The following CELF2 variants were observed in gnomAD, a reference collection of about 807,000 sequenced individuals.
CELF2 encodes the protein CUGBP Elav-like family member 2, also known as CUG triplet repeat RNA-binding protein 2.
CELF2 carries 8 observed loss-of-function variants against 62.6 expected under a neutral mutation model. The ratio of observed to expected loss-of-function variants is 0.13; its 90% CI spans 0.07 to 0.23. The LOEUF is 0.23. Among genes scored for constraint, CELF2 ranks in the 10% least tolerant of loss-of-function variants. CELF2 has a pLI of 1.00. For missense variants in CELF2, 333 were observed against 671.0 expected (o/e 0.50, Z 5.56); for synonymous variants, 258 against 250.0 (o/e 1.03, Z -0.30).
intron 1 of CELF2, among the ~76,000 whole-genome samples, chr10:10,842,337 AGT>A (rs1226148229): frequency 6.6e-6 from 1 of 152,044 alleles, no homozygotes; most frequent in Non-Finnish European, 1.5e-5. Context: ...GCTGAATCAG[AGT>A]GATAAGAAAG....
At chr10:10,657,805 G>A in the CELF2 span, among the ~76,000 whole-genome samples, 6 of 152,242 alleles carry the variant, frequency 3.9e-5, no homozygotes, top group East Asian at 1.2e-3. Flanking sequence ...GATACAAGAT[G>A]TTCATTATAA....
chr10:11,056,594 TAAG>T (rs1425612598), intron 1 of CELF2, among the ~76,000 whole-genome samples: 2 of 152,214 alleles, frequency 1.3e-5, no homozygotes, highest in Admixed American at 1.3e-4. Flanking sequence ...TTGAATCGTA[TAAG>T]AAGGGAGTCA....
At chr10:11,298,689 T>TTA (rs2093424769) in intron 9 of CELF2, among the ~76,000 whole-genome samples, 2 of 152,230 alleles carry the variant, frequency 1.3e-5, no homozygotes, top group African/African-American at 4.8e-5. Context: ...ACATTGAGGT[T>TTA]TATATATACA....
chr10:10,723,400 T>A, the CELF2 span, among the ~76,000 whole-genome samples: 27 of 152,332 alleles, frequency 1.8e-4, no homozygotes, highest in East Asian at 5.0e-3. Flanking sequence ...AACAGATGCA[T>A]CAACAGAGAG....
chr10:11,283,829 TGATG>T (rs767119777), intron 8 of CELF2, among the ~76,000 whole-genome samples: 31 of 111,310 alleles, frequency 2.8e-4, no homozygotes, highest in Non-Finnish European at 5.0e-4. Flanking sequence ...GGTGGGTGGA[TGATG>T]GATGGAGTGG....
chr10:11,135,717 G>C (rs118035519), intron 1 of CELF2, among the ~76,000 whole-genome samples: 2 of 152,222 alleles, frequency 1.3e-5, no homozygotes, highest in East Asian at 1.9e-4. Flanking sequence ...CATCATTACT[G>C]CTCCCCCACA....
chr10:11,031,099 C>T (rs924672018), intron 1 of CELF2, among the ~76,000 whole-genome samples: 3 of 152,172 alleles, frequency 2.0e-5, no homozygotes, highest in South Asian at 2.1e-4. Context: ...ATGACTTAGA[C>T]GAATGCTTGG....
intron 2 of CELF2, among the ~76,000 whole-genome samples, chr10:11,179,807 A>G (rs533676899): frequency 9.9e-5 from 15 of 152,274 alleles, no homozygotes; most frequent in African/African-American, 3.4e-4. Flanking sequence ...TTGTACAAAC[A>G]GGGGGAAGGA....
intron 1 of CELF2, among the ~76,000 whole-genome samples, chr10:11,028,795 C>T (rs2059667013): frequency 6.6e-6 from 1 of 150,700 alleles, no homozygotes; most frequent in South Asian, 2.1e-4. Flanking sequence ...TCTTGGCTCA[C>T]TGCAACCTCC....
chr10:10,588,562 A>G, the CELF2 span, among the ~76,000 whole-genome samples: 1 of 152,150 alleles, frequency 6.6e-6, no homozygotes, highest in Admixed American at 6.5e-5. Context: ...CATGCTCAAT[A>G]TGGTGGTGGG....
At chr10:10,757,343 C>T in the CELF2 span, among the ~76,000 whole-genome samples, 2 of 152,074 alleles carry the variant, frequency 1.3e-5, no homozygotes, top group Non-Finnish European at 2.9e-5. Context: ...CCTGTAGTCC[C>T]AGCTACTCGG....
At chr10:11,063,505 A>AT (rs1167014365) in intron 1 of CELF2, among the ~76,000 whole-genome samples, 1 of 152,200 alleles carries the variant, frequency 6.6e-6, no homozygotes, top group Non-Finnish European at 1.5e-5. Flanking sequence ...AGCATTTCTT[A>AT]TTTCAGAGTA....
the CELF2 span, among the ~76,000 whole-genome samples, chr10:10,746,418 T>C: frequency 6.6e-6 from 1 of 152,236 alleles, no homozygotes; most frequent in Non-Finnish European, 1.5e-5. Flanking sequence ...AGAGATGCTA[T>C]GCCAAATAAG....
At chr10:10,779,946 A>G in the CELF2 span, among the ~76,000 whole-genome samples, 1 of 151,960 alleles carries the variant, frequency 6.6e-6, no homozygotes, top group Non-Finnish European at 1.5e-5. Context: ...ATCACTGCAG[A>G]AAGGTTTGGG....
chr10:11,048,219 C>T (rs916968676), intron 1 of CELF2, among the ~76,000 whole-genome samples: 40 of 152,194 alleles, frequency 2.6e-4, no homozygotes, highest in Admixed American at 8.5e-4. Context: ...ACGACACTGT[C>T]AAAGGAAAGA....
At chr10:10,630,447 T>C in the CELF2 span, among the ~76,000 whole-genome samples, 120 of 152,320 alleles carry the variant, frequency 7.9e-4, 2 homozygotes, top group South Asian at 0.025. Flanking sequence ...CTGGGATCTC[T>C]ATCTAATCTC....
intron 1 of CELF2, among the ~76,000 whole-genome samples, chr10:10,900,304 A>T (rs1564790497): frequency 6.6e-6 from 1 of 152,248 alleles, no homozygotes; most frequent in African/African-American, 2.4e-5. Context: ...ATCCCTGGTG[A>T]ACATAGATGT....
chr10:11,216,335 C>A (rs2063351019), intron 2 of CELF2, among the ~76,000 whole-genome samples: 1 of 152,166 alleles, frequency 6.6e-6, no homozygotes, highest in Non-Finnish European at 1.5e-5. Context: ...CAGCACCTCT[C>A]AAAGCTCTTC....
chr10:10,744,753 G>A, the CELF2 span, among the ~76,000 whole-genome samples: 1 of 151,318 alleles, frequency 6.6e-6, no homozygotes, highest in Non-Finnish European at 1.5e-5. Context: ...ACATTTAATT[G>A]GTCAATTGTT....
Sources: allele counts gnomAD v4.1 joint callset (sites outside exome capture counted in the v4.1 genomes callset), GRCh38; gene constraint gnomAD v4.1.1; transcripts MANE v1.5; gene names NCBI Gene and HGNC (gene_info 2026-07-23, HGNC 2026-07-21).